Variants in BEND3 observed in about 807,000 individuals in gnomAD.
BEND3 encodes the protein BEN domain-containing protein 3.
BEND3 carries 13 observed loss-of-function variants against 60.1 expected under a neutral mutation model. The ratio of observed to expected loss-of-function variants is 0.22; its 90% CI spans 0.14 to 0.34. The LOEUF is 0.34. Among genes scored for constraint, BEND3 ranks in the 10% least tolerant of loss-of-function variants. The pLI is 1.00. For synonymous variants in BEND3, 497 were observed against 491.5 expected, an observed-to-expected ratio of 1.01 and a Z score of -0.15; for missense variants, 896 against 1,138.1, an observed-to-expected ratio of 0.79 and a Z score of 3.06.
intron 3 of BEND3, among the ~76,000 whole-genome samples, chr6:107,095,846 G>T (rs186971639): frequency 6.6e-6 from 1 of 152,344 alleles, no homozygotes; most frequent in East Asian, 1.9e-4. Context: ...AAAGATAAAA[G>T]TATGGAGATG....
chr6:107,085,093 G>A (rs142872537), intron 3 of BEND3, among the ~76,000 whole-genome samples: 1,934 of 152,268 alleles, frequency 0.013, 49 homozygotes, highest in African/African-American at 0.044. Flanking sequence ...CCCACTGGGA[G>A]GAACAAACAA....
At chr6:107,077,010 G>A (rs1582645362) in intron 3 of BEND3, among the ~76,000 whole-genome samples, 1 of 151,926 alleles carries the variant, frequency 6.6e-6, no homozygotes, top group Admixed American at 6.6e-5. Flanking sequence ...ACCATGGTCA[G>A]CTAATTTTTT....
chr6:107,112,210 G>A (rs1201882891), intron 1 of BEND3, among the ~76,000 whole-genome samples: 1 of 152,070 alleles, frequency 6.6e-6, no homozygotes, highest in Non-Finnish European at 1.5e-5. Context: ...TCTAGGCAGC[G>A]CTAAAAAGTA....
Position 107,066,323 on chromosome 6 carries a change from C to T in BEND3, c.*2381G>A, listed in dbSNP as rs1774828371. On this transcript the variant is annotated 3_prime_UTR_variant, in exon 4 of 4. Transcript: ENST00000369042. The stretch of plus-strand genomic sequence containing the variant: ...GGACACCATACAGACAGGGCAAGGA[C>T]CTGCAGGCGTTTCCTGACGACAGTC... 1.3e-5 allele frequency: 2 copies of T among 152,416 alleles called. No individual in the cohort carries two copies. The highest frequency in any genetic ancestry group is 4.1e-4 in the South Asian group (2 of 4,828). 9.4% of individuals were successfully genotyped at this position (152,416 alleles called of 1,614,324 possible).
At position 107,066,827 on chromosome 6, in the gene BEND3, C is replaced by G. The variant is rs782672159; in HGVS notation, c.*1877G>C. On this transcript the variant is annotated 3_prime_UTR_variant, in exon 4 of 4. Transcript: ENST00000369042. ...ACTAAGGCATAGAGAAGGGCCCAAG[C>G]GAGGGGGGAAAGTGAGTCTCCTGGC... is the stretch of plus-strand genomic sequence containing the variant. The G allele has an allele frequency of 6.6e-6, 1 of 152,546 alleles. No individual in the cohort carries two copies. The highest frequency in any genetic ancestry group is 2.4e-5 in the African/African-American group (1 of 41,408). The allele number at this position is 152,546 out of a possible 1,614,324, so 9.4% of individuals were successfully genotyped here. A position where few individuals can be genotyped will look rare whatever the true frequency, so the allele number is the denominator to read the frequency against.
intron 1 of BEND3, among the ~76,000 whole-genome samples, chr6:107,114,637 G>C (rs1364967456): frequency 6.7e-6 from 1 of 149,016 alleles, no homozygotes; most frequent in Admixed American, 6.7e-5. Context: ...GAGCGCGAGC[G>C]CCAAGCCGCC....
At chr6:107,102,310 C>T (rs1582668735) in intron 1 of BEND3, among the ~76,000 whole-genome samples, 1 of 152,254 alleles carries the variant, frequency 6.6e-6, no homozygotes, top group Non-Finnish European at 1.5e-5. Flanking sequence ...AGCAGAAAAC[C>T]TATTTTCTGA....
intron 3 of BEND3, among the ~76,000 whole-genome samples, chr6:107,079,400 C>A (rs1775176182): frequency 6.6e-6 from 1 of 152,188 alleles, no homozygotes; most frequent in Non-Finnish European, 1.5e-5. Context: ...TCTGTCCTTG[C>A]AACAAGGTGG....
At position 107,078,404 on chromosome 6, in the gene BEND3, A is replaced by G. The variant is rs543921443; in HGVS notation, c.241-7454T>C. ...CATTCTGATAAATGTAGAGGGAGGC[A>G]GCTGAATGCTGGTCATGGGGTTGAG... On this transcript the variant is annotated intron_variant, in intron 3 of 3. Coordinates refer to ENST00000369042, the MANE Select transcript of BEND3 (RefSeq NM_001367314.1). Among the ~76,000 whole-genome samples the G allele has an allele frequency of 2.6e-5, 4 of 151,760 alleles. No homozygotes were observed. In the South Asian group the frequency reaches 8.4e-4, roughly 32 times the overall value.
chr6:107,086,642 G>A (rs941956030), intron 3 of BEND3, among the ~76,000 whole-genome samples: 1 of 152,006 alleles, frequency 6.6e-6, no homozygotes. Context: ...TCCAGGACTG[G>A]AGAATGCTGC....
At chr6:107,071,328 G>C (rs1220741301) in intron 3 of BEND3, among the ~76,000 whole-genome samples, 1 of 152,230 alleles carries the variant, frequency 6.6e-6, no homozygotes, top group Non-Finnish European at 1.5e-5. Context: ...TTGTGCAGCT[G>C]CCGGCCACGG....
intron 3 of BEND3, among the ~76,000 whole-genome samples, chr6:107,094,896 C>T (rs953601388): frequency 1.3e-5 from 2 of 148,898 alleles, no homozygotes; most frequent in Non-Finnish European, 1.5e-5. Context: ...CCATGGTTCA[C>T]GGCAGCCCCG....
In BEND3 at chr6:107,090,592, G is replaced by A. The variant is rs147071127; in HGVS notation, c.240+7959C>T. ...TATATGCTTGTGTGTGTGCACGCGC[G>A]TGTGCACGCACTTATATATAAATGA... On this transcript the variant is annotated intron_variant, in intron 3 of 3. Transcript: ENST00000369042. 1.1e-3 allele frequency among the ~76,000 whole-genome samples: 173 copies of A among 152,160 alleles called. 2 individuals are homozygous for A. In the East Asian group the frequency reaches 0.029, roughly 26 times the overall value.
intron 1 of BEND3, among the ~76,000 whole-genome samples, chr6:107,103,468 T>C (rs1351093331): frequency 6.6e-6 from 1 of 152,190 alleles, no homozygotes; most frequent in Non-Finnish European, 1.5e-5. Context: ...TCCCTTTGCC[T>C]CCTGGACTCT....
At chr6:107,108,593 C>A (rs1366371914) in intron 1 of BEND3, among the ~76,000 whole-genome samples, 1 of 151,880 alleles carries the variant, frequency 6.6e-6, no homozygotes, top group Non-Finnish European at 1.5e-5. Context: ...GTATACTGCA[C>A]CCCCAATCCT....
chr6:107,097,435 C>T (rs1303938503), intron 3 of BEND3, among the ~76,000 whole-genome samples: 1 of 151,056 alleles, frequency 6.6e-6, no homozygotes, highest in Non-Finnish European at 1.5e-5. Context: ...AAAGAAAAGC[C>T]ATTCAGACCA....
intron 1 of BEND3, among the ~76,000 whole-genome samples, chr6:107,102,266 G>A (rs1386537072): frequency 6.6e-6 from 1 of 152,192 alleles, no homozygotes; most frequent in Non-Finnish European, 1.5e-5. Context: ...AGTCCAGGCT[G>A]CCACATGGAG....
In BEND3 at chr6:107,068,952, G is replaced by C; in HGVS notation, c.2239C>G (p.Leu747Val). 6.2e-7 allele frequency: 1 copy of C among 1,613,972 alleles called. No homozygotes were observed. The highest frequency in any genetic ancestry group is 8.5e-7 in the Non-Finnish European group (1 of 1,180,042). Residue 747 changes from leucine (L) to valine (V), a missense_variant, in exon 4 of 4, where the codon CTG becomes GTG. Transcript: ENST00000369042. The surrounding 1 kb of genome is among the most constrained non-coding windows in gnomAD (Gnocchi z 5.8). ...TCGGCGGTGAAGAGTTCGGGAAACA[G>C]GCGGACGAGGAGCCGGGCGGCAAAG... ...GNFAARLLVR[L>V]FPELFTAENL... is the part of the protein sequence containing the mutation.
rs1554230808 is a variant in BEND3, at chr6:107,066,204, G to GA, written c.*2499dup. 6.6e-6 allele frequency: 1 copy of GA among 151,712 alleles called. No individual in the cohort carries two copies. Among genetic ancestry groups the GA allele is most frequent in the East Asian group, 1.9e-4 (1 of 5,182 alleles). 9.4% of individuals were successfully genotyped at this position (151,712 alleles called of 1,614,324 possible). A position where few individuals can be genotyped will look rare whatever the true frequency, so the allele number is the denominator to read the frequency against. Reference sequence around the variant, plus strand: ...GGTTTCATGGAACACATTAAATTTTGAAAAAATAAGTATTTTGTACTTCTA... The same window carrying GA: ...GGTTTCATGGAACACATTAAATTTTGAAAAAAATAAGTATTTTGTACTTCTA... On this transcript the variant is annotated 3_prime_UTR_variant, in exon 4 of 4. Coordinates refer to ENST00000369042, the MANE Select transcript of BEND3 (RefSeq NM_001367314.1).
Sources: gnomAD v4.1 joint callset for allele counts (sites outside exome capture counted in the v4.1 genomes callset) on GRCh38, gnomAD v4.1.1 for gene constraint, Gnocchi (gnomAD v3.1) non-coding constraint, MANE v1.5 for transcripts, NCBI Gene and HGNC (gene_info 2026-07-23, HGNC 2026-07-21) for gene names.